Variants in STXBP5L observed in about 807,000 individuals in gnomAD.
STXBP5L encodes syntaxin-binding protein 5-like.
Under a neutral mutation model 144.5 loss-of-function variants are expected in STXBP5L, and 65 were observed. The ratio of observed to expected loss-of-function variants is 0.45; its 90% CI spans 0.37 to 0.55. The LOEUF is 0.55. Among genes scored for constraint, STXBP5L ranks in the 20% least tolerant of loss-of-function variants. STXBP5L has a pLI of 0.00. For missense variants in STXBP5L, 1,298 were observed against 1,405.5 expected, an observed-to-expected ratio of 0.92 and a Z score of 1.22; for synonymous variants, 505 against 469.6, an observed-to-expected ratio of 1.08 and a Z score of -0.97.
intron 3 of STXBP5L, among the ~76,000 whole-genome samples, chr3:121,010,906 G>T (rs1944726210): frequency 6.6e-6 from 1 of 151,552 alleles, no homozygotes; most frequent in Admixed American, 6.6e-5. Context: ...GTCTGGGGTG[G>T]CAGAGGCAAA....
chr3:121,014,148 A>G lies in STXBP5L; in HGVS notation c.288-27552A>G, dbSNP rs551052516. ...TCTTTTGGTTCCATGTGAATTTTAG[A>G]ATTTTTTTTTCTAATTCCATGAAAA... On this transcript the variant is annotated intron_variant, in intron 3 of 26. Coordinates refer to ENST00000471454, the MANE Select transcript of STXBP5L (RefSeq NM_001308330.2). Among the ~76,000 whole-genome samples, 9 of 151,998 alleles carry G rather than the reference A, an allele frequency of 5.9e-5. No homozygotes were observed. The South Asian group carries it at 8.3e-4, about 14-fold the overall frequency.
At chr3:121,063,387 A>G (rs963100472) in intron 5 of STXBP5L, among the ~76,000 whole-genome samples, 6 of 151,856 alleles carry the variant, frequency 4.0e-5, no homozygotes, top group African/African-American at 1.2e-4. Context: ...CCAAAGGGGC[A>G]CCCGCCATAT....
chr3:121,250,665 A>AGTGATTAT, intron 14 of STXBP5L, 58 bp from the exon 15 acceptor site: 1 of 1,380,010 alleles, frequency 7.2e-7, no homozygotes, highest in Non-Finnish European at 1.0e-6. Flanking sequence ...GTACATTTGG[A>AGTGATTAT]GTGATTATGA....
chr3:121,210,441 C>A (rs1430487819), intron 10 of STXBP5L, among the ~76,000 whole-genome samples: 2 of 151,976 alleles, frequency 1.3e-5, no homozygotes, highest in Admixed American at 6.6e-5. Flanking sequence ...TTAATTAGAT[C>A]CCATTTGTCA....
At chr3:121,417,195 A>G (rs1418809346) in intron 25 of STXBP5L, among the ~76,000 whole-genome samples, 1 of 152,196 alleles carries the variant, frequency 6.6e-6, no homozygotes, top group Non-Finnish European at 1.5e-5. Context: ...ACTGCCAATG[A>G]GCATGGAGTT....
At chr3:121,003,477 A>G (rs545726400) in intron 3 of STXBP5L, among the ~76,000 whole-genome samples, 3 of 152,172 alleles carry the variant, frequency 2.0e-5, no homozygotes, top group South Asian at 2.1e-4. Context: ...AGTAGATTGC[A>G]AAAATTTTCT....
chr3:121,004,596 G>A (rs1383470665), intron 3 of STXBP5L, among the ~76,000 whole-genome samples: 18 of 152,076 alleles, frequency 1.2e-4, no homozygotes, highest in Non-Finnish European at 2.5e-4. Context: ...TGTTGAATAG[G>A]AGTGGTGAGA....
Position 121,004,158 on chromosome 3 carries a change from G to T in STXBP5L, c.288-37542G>T, listed in dbSNP as rs1944045212. ...CCTTGGGCAGTATGGCCATTTTCATGATATTGATTCTTCCTACCCATGATC... is the reference window on the plus strand; with the variant it reads ...CCTTGGGCAGTATGGCCATTTTCATTATATTGATTCTTCCTACCCATGATC... On this transcript the variant is annotated intron_variant, in intron 3 of 26. Coordinates refer to ENST00000471454, the MANE Select transcript of STXBP5L (RefSeq NM_001308330.2). 2.6e-5 allele frequency among the ~76,000 whole-genome samples: 4 copies of T among 152,246 alleles called. No individual in the cohort carries two copies. The South Asian group carries it at 8.3e-4, about 32-fold the overall frequency.
rs1380062162 is a variant in STXBP5L at position 121,423,272 on chromosome 3, C to T, written c.*4175C>T. On this transcript the variant is annotated 3_prime_UTR_variant, in exon 27 of 27. Transcript: ENST00000471454. ...TTGGCTAGGTACTATTTCACATGCA[C>T]ACTGTCCTGGGTGCCAGAAATACTT... The T allele has an allele frequency of 1.3e-5, 2 of 152,278 alleles. No homozygotes were observed. Among genetic ancestry groups the T allele is most frequent in the Non-Finnish European group, 2.9e-5 (2 of 68,104 alleles). 9.4% of individuals were successfully genotyped at this position (152,278 alleles called of 1,614,324 possible). A position where few individuals can be genotyped will look rare whatever the true frequency, so the allele number is the denominator to read the frequency against.
chr3:121,082,389 G>A lies in STXBP5L; in HGVS notation c.471-32536G>A, dbSNP rs6810159. On this transcript the variant is annotated intron_variant, in intron 5 of 26. Transcript: ENST00000471454. ...TGAGTGGTATTTTTAAATTTTGTTT[G>A]GCACATGTTCATTGCTGATATATAG... Among the ~76,000 whole-genome samples, 85 of 151,718 alleles carry A rather than the reference G, an allele frequency of 5.6e-4. 1 individual carries two copies. The highest frequency in any genetic ancestry group is 3.3e-4 in the Admixed American group (5 of 15,230).
chr3:120,998,184 G>GC (rs368662020), intron 3 of STXBP5L, among the ~76,000 whole-genome samples: 11 of 152,082 alleles, frequency 7.2e-5, no homozygotes, highest in African/African-American at 2.2e-4. Context: ...AGACAAATGT[G>GC]CCCCCTTTTA....
At chr3:120,951,910 G>A (rs978690421) in intron 2 of STXBP5L, among the ~76,000 whole-genome samples, 30 of 151,886 alleles carry the variant, frequency 2.0e-4, no homozygotes, top group African/African-American at 6.8e-4. Context: ...CAATCCAAAT[G>A]TCCAACAATG....
intron 22 of STXBP5L, among the ~76,000 whole-genome samples, chr3:121,393,768 T>C (rs1420040731): frequency 1.3e-5 from 2 of 152,218 alleles, no homozygotes; most frequent in Non-Finnish European, 1.5e-5. Context: ...TTCTGGGTCT[T>C]CTATTCTCTT....
intron 3 of STXBP5L, among the ~76,000 whole-genome samples, chr3:121,036,666 G>T (rs1021232010): frequency 6.6e-6 from 1 of 151,774 alleles, no homozygotes; most frequent in Non-Finnish European, 1.5e-5. Flanking sequence ...CTAGTTTACT[G>T]GGAGATTTTA....
At chr3:120,956,254 A>G (rs61797906) in intron 3 of STXBP5L, among the ~76,000 whole-genome samples, 3,880 of 151,962 alleles carry the variant, frequency 0.026, 73 homozygotes, top group Non-Finnish European at 0.035. Flanking sequence ...TTATGCAACC[A>G]TCATCACCGT....
chr3:121,308,880 T>C (rs999224012), intron 19 of STXBP5L, among the ~76,000 whole-genome samples: 1 of 152,120 alleles, frequency 6.6e-6, no homozygotes, highest in African/African-American at 2.4e-5. Flanking sequence ...AATACAGCTA[T>C]TAAAAATTAA....
chr3:121,004,097 G>T (rs568393536), intron 3 of STXBP5L, among the ~76,000 whole-genome samples: 3 of 152,142 alleles, frequency 2.0e-5, no homozygotes, highest in African/African-American at 7.2e-5. Flanking sequence ...AAAGTCATTG[G>T]TAGCTTGATG....
chr3:121,000,780 G>T (rs556032720), intron 3 of STXBP5L, among the ~76,000 whole-genome samples: 1 of 152,270 alleles, frequency 6.6e-6, no homozygotes, highest in South Asian at 2.1e-4. Flanking sequence ...CCTTTGGATG[G>T]GGCTTTTTCT....
intron 2 of STXBP5L, among the ~76,000 whole-genome samples, chr3:120,940,180 A>T: frequency 6.6e-6 from 1 of 152,252 alleles, no homozygotes; most frequent in East Asian, 1.9e-4. Flanking sequence ...CATAAAATAG[A>T]TTCAACAAAA....
Sources: gnomAD v4.1 joint callset for allele counts (sites outside exome capture counted in the v4.1 genomes callset) on GRCh38, gnomAD v4.1.1 for gene constraint, MANE v1.5 for transcripts, NCBI Gene and HGNC (gene_info 2026-07-23, HGNC 2026-07-21) for gene names.